The following PYCR2 variants were observed in gnomAD, a reference collection of about 807,000 sequenced individuals.
The protein encoded by PYCR2 is pyrroline-5-carboxylate reductase 2.
In PYCR2, 17 loss-of-function variants were observed where a neutral mutation model predicts 23.4. The observed-to-expected ratio is 0.73, with a 90% CI of 0.50 to 1.09. The LOEUF is 1.09. PYCR2 is among the 50% of genes least tolerant of loss of function. PYCR2 has a pLI of 0.00. For missense variants in PYCR2, 380 were observed against 423.5 expected (o/e 0.90, Z 0.90); for synonymous variants, 172 against 176.6 (o/e 0.97, Z 0.21).
At position 225,924,178 on chromosome 1, in the gene PYCR2, GGGAA is replaced by G; in HGVS notation, c.-72_-69del. 1 of 1,487,248 alleles carries G rather than the reference GGGAA, an allele frequency of 6.7e-7. No homozygotes were observed. The highest frequency in any genetic ancestry group is 1.2e-5 in the South Asian group (1 of 80,266). 92.1% of individuals were successfully genotyped at this position (1,487,248 alleles called of 1,614,324 possible). A position where few individuals can be genotyped will look rare whatever the true frequency, so the allele number is the denominator to read the frequency against. ...AGCGAGGGACCGGAAGTAACGCTAG[GGGAA>G]GGGCGGACAGCGCAGGGGCGAACGG... On this transcript the variant is annotated 5_prime_UTR_variant, in exon 1 of 7. Coordinates refer to ENST00000343818, the MANE Select transcript of PYCR2 (RefSeq NM_013328.4).
Position 225,921,242 on chromosome 1 carries a change from T to A in PYCR2, c.763A>T (p.Ile255Phe). 2 of 1,614,052 alleles carry A rather than the reference T, an allele frequency of 1.2e-6. No homozygotes were observed. The highest frequency in any genetic ancestry group is 2.2e-5 in the East Asian group (1 of 44,872). The change falls in exon 6 of 7, where the codon ATC (isoleucine) becomes TTC (phenylalanine). Residue 255 changes from isoleucine (I) to phenylalanine (F), a missense_variant. Transcript: ENST00000343818. This position sits in a 1 kb window ranked among gnomAD's most constrained non-coding sequence, Gnocchi z 4.2. ...LESGGFRSLL[I>F]NAVEASCIRT... is the part of the protein sequence containing the mutation. ...ATACAGGAGGCCTCAACTGCATTGA[T>A]GAGCAGAGAGCGGAAGCCCCCACTC...
In PYCR2 at chr1:225,921,937, C is replaced by A. The variant is rs932902330; in HGVS notation, c.461G>T (p.Ser154Ile). 4 of 1,614,096 alleles carry A rather than the reference C, an allele frequency of 2.5e-6. No homozygotes were observed. The highest frequency in any genetic ancestry group is 3.4e-6 in the Non-Finnish European group (4 of 1,180,036). Residue 154 changes from serine to isoleucine, a missense_variant, in exon 4 of 7, where the codon AGC becomes ATC. Physicochemically the swap from Ser to Ile is moderately radical, Grantham distance 142. Transcript: ENST00000343818. The surrounding 1 kb of genome is among the most constrained non-coding windows in gnomAD (Gnocchi z 4.2). Reference sequence around the variant, plus strand: ...CACCTCAGTGCAGAAGCCCACGCTGCTCATGAGCTGCTCCAGGAGCTGCCC... The same window carrying A: ...CACCTCAGTGCAGAAGCCCACGCTGATCATGAGCTGCTCCAGGAGCTGCCC... ...EDGQLLEQLM[S>I]SVGFCTEVEE...
In PYCR2 at chr1:225,920,387, G is replaced by A; in HGVS notation, c.*68C>T. 3 of 1,363,176 alleles carry A rather than the reference G, an allele frequency of 2.2e-6. No individual in the cohort carries two copies. Among genetic ancestry groups the A allele is most frequent in the Middle Eastern group, 2.7e-4 (1 of 3,668 alleles). The allele number at this position is 1,363,176 out of a possible 1,614,324, so 84.4% of individuals were successfully genotyped here. A position where few individuals can be genotyped will look rare whatever the true frequency, so the allele number is the denominator to read the frequency against. On this transcript the variant is annotated 3_prime_UTR_variant, in exon 7 of 7. Coordinates refer to ENST00000343818, the MANE Select transcript of PYCR2 (RefSeq NM_013328.4). ...GAGGGGCAATGGTGGGAGCGGGGCA[G>A]GGGGGTGGCAGGGGCGGCAGGGGCT... is the stretch of plus-strand genomic sequence containing the variant.
Position 225,921,391 on chromosome 1 carries a change from A to T in PYCR2, c.634-20T>A. 1 of 1,531,480 alleles carries T rather than the reference A, an allele frequency of 6.5e-7. No individual in the cohort carries two copies. The highest frequency in any genetic ancestry group is 9.0e-7 in the Non-Finnish European group (1 of 1,107,114). 94.9% of individuals were successfully genotyped at this position (1,531,480 alleles called of 1,614,324 possible). A position where few individuals can be genotyped will look rare whatever the true frequency, so the allele number is the denominator to read the frequency against. On this transcript the variant is annotated intron_variant, in intron 5 of 6. Transcript: ENST00000343818. This position sits in a 1 kb window ranked among gnomAD's most constrained non-coding sequence, Gnocchi z 4.2. ...AGCTCCCTATGGGGAAGGGCACATT[A>T]GGAGAAAGTTGCTGGTGTGCGTTGG... is the stretch of plus-strand genomic sequence containing the variant.
chr1:225,922,461 C>A, intron 2 of PYCR2, 78 bp from the exon 3 acceptor site: 1 of 1,484,880 alleles, frequency 6.7e-7, no homozygotes, highest in South Asian at 1.2e-5. Context: ...AGCTGAACCC[C>A]TGCCAAACCG....
chr1:225,922,296 GGAT>G lies in PYCR2; in HGVS notation c.223_225del (p.Ile75del), dbSNP rs1362642657. On this transcript the variant is annotated inframe_deletion, in exon 3 of 7. Coordinates refer to ENST00000343818, the MANE Select transcript of PYCR2 (RefSeq NM_013328.4). ...GCCCCAATCTCATCCAGGATGAAGGGGATGATATGTGGCTTCACAGCCAGAAAC... is the reference window on the plus strand; with the variant it reads ...GCCCCAATCTCATCCAGGATGAAGGGGATATGTGGCTTCACAGCCAGAAAC... 5.0e-6 allele frequency: 8 copies of G among 1,614,094 alleles called. No individual in the cohort carries two copies. The highest frequency in any genetic ancestry group is 1.3e-5 in the African/African-American group (1 of 74,934).
chr1:225,921,779 C>G lies in PYCR2; in HGVS notation c.540+79G>C. 1 of 1,593,396 alleles carries G rather than the reference C, an allele frequency of 6.3e-7. No individual in the cohort carries two copies. The highest frequency in any genetic ancestry group is 8.6e-7 in the Non-Finnish European group (1 of 1,165,398). On this transcript the variant is annotated intron_variant, in intron 4 of 6. Coordinates refer to ENST00000343818, the MANE Select transcript of PYCR2 (RefSeq NM_013328.4). This position sits in a 1 kb window ranked among gnomAD's most constrained non-coding sequence, Gnocchi z 4.2. ...AGCTGTGCCCAAGAGGTGGGCGCCA[C>G]CCCCAGTCCAAGCCTGCCTGCCAGC... is the stretch of plus-strand genomic sequence containing the variant.
At chr1:225,923,988 G>A in intron 1 of PYCR2, 56 bp downstream of exon 1, 5 of 1,524,730 alleles carry the variant, frequency 3.3e-6, no homozygotes, top group Non-Finnish European at 4.4e-6. Flanking sequence ...TGGGACGGAG[G>A]CCCCCTCGGG....
rs1364912691 is a variant in PYCR2, at chr1:225,921,230, C to T, written c.775G>A (p.Glu259Lys). The T allele has an allele frequency of 6.2e-7, 1 of 1,613,894 alleles. No individual in the cohort carries two copies. The highest frequency in any genetic ancestry group is 8.5e-7 in the Non-Finnish European group (1 of 1,179,890). The change falls in exon 6 of 7, where the codon GAG becomes AAG. Residue 259 changes from glutamate (E) to lysine (K), a missense_variant. Glu to Lys is a moderately conservative substitution (Grantham distance 56, BLOSUM62 1). Coordinates refer to ENST00000343818, the MANE Select transcript of PYCR2 (RefSeq NM_013328.4). The surrounding 1 kb of genome is among the most constrained non-coding windows in gnomAD (Gnocchi z 4.2). ...CACCGTGTTCGGATACAGGAGGCCT[C>T]AACTGCATTGATGAGCAGAGAGCGG... The part of the protein sequence containing the change: ...GFRSLLINAV[E>K]ASCIRTRELQ...
chr1:225,923,939 C>A, intron 1 of PYCR2, 105 bp downstream of exon 1: 1 of 1,486,228 alleles, frequency 6.7e-7, no homozygotes, highest in Non-Finnish European at 9.1e-7. Context: ...CTCATCTACC[C>A]CACCGGACGC....
At chr1:225,920,753 GCTTCCCAACTAGTA>G (rs755622787) in intron 6 of PYCR2, 133 bp from the exon 7 acceptor site, 105 of 985,658 alleles carry the variant, frequency 1.1e-4, no homozygotes, top group Admixed American at 1.7e-4. Context: ...CAAGACAAAC[GCTTCCCAACTAGTA>G]CTTCCCAACT....
chr1:225,920,753 G>A (rs531514290), intron 6 of PYCR2, 133 bp from the exon 7 acceptor site: 6 of 985,658 alleles, frequency 6.1e-6, no homozygotes, highest in African/African-American at 3.2e-5. Flanking sequence ...CAAGACAAAC[G>A]CTTCCCAACT....
chr1:225,923,287 A>T, intron 2 of PYCR2: 1 of 298,068 alleles, frequency 3.4e-6, no homozygotes, highest in Non-Finnish European at 5.2e-6. Context: ...AATTCCAGCT[A>T]CTCGGGAGGC....
At position 225,921,812 on chromosome 1, in the gene PYCR2, G is replaced by C; in HGVS notation, c.540+46C>G. On this transcript the variant is annotated intron_variant, in intron 4 of 6. Transcript: ENST00000343818. The surrounding 1 kb of genome is among the most constrained non-coding windows in gnomAD (Gnocchi z 4.2). Reference sequence around the variant, plus strand: ...CCAAGCCTGCCTGCCAGCCCATCTTGCTGCCTGGGTTCCTAGAAGGCTGAG... The same window carrying C: ...CCAAGCCTGCCTGCCAGCCCATCTTCCTGCCTGGGTTCCTAGAAGGCTGAG... The C allele has an allele frequency of 6.2e-7, 1 of 1,609,818 alleles. No homozygotes were observed. The highest frequency in any genetic ancestry group is 8.5e-7 in the Non-Finnish European group (1 of 1,177,656).
Position 225,921,730 on chromosome 1 carries a change from A to T in PYCR2, c.541-86T>A. 6.3e-7 allele frequency: 1 copy of T among 1,585,760 alleles called. No homozygotes were observed. The highest frequency in any genetic ancestry group is 8.7e-7 in the Non-Finnish European group (1 of 1,156,024). Reference sequence around the variant, plus strand: ...CTTTCTGATGACTAGAACTAGCTCCAAGGGTCAGCATCCTGTACCAGCCAG... The same window carrying T: ...CTTTCTGATGACTAGAACTAGCTCCTAGGGTCAGCATCCTGTACCAGCCAG... On this transcript the variant is annotated intron_variant, in intron 4 of 6. Transcript: ENST00000343818. This position sits in a 1 kb window ranked among gnomAD's most constrained non-coding sequence, Gnocchi z 4.2.
chr1:225,922,526 C>A, intron 2 of PYCR2, 143 bp from the exon 3 acceptor site: 1 of 777,806 alleles, frequency 1.3e-6, no homozygotes. Context: ...GGTTCTACCC[C>A]TACCCCAAAT....
rs758392533 is a variant in PYCR2, at chr1:225,920,582, G to A, written c.836C>T (p.Pro279Leu). 5 of 1,613,184 alleles carry A rather than the reference G, an allele frequency of 3.1e-6. No individual in the cohort carries two copies. The highest frequency in any genetic ancestry group is 2.2e-5 in the South Asian group (2 of 91,062). ...TAAGAGGGTCTTCTTAAGGGCAGCT[G>A]GGGAGATCTTTTCTTGGTCGGCCAT... is the stretch of plus-strand genomic sequence containing the variant. ...QSMADQEKIS[P>L]AALKKTLLDR... The change falls in exon 7 of 7, where the codon CCA (proline) becomes CTA (leucine). Residue 279 changes from proline to leucine, a missense_variant. Physicochemically the swap from Pro to Leu is moderately conservative, Grantham distance 98. Coordinates refer to ENST00000343818, the MANE Select transcript of PYCR2 (RefSeq NM_013328.4).
In PYCR2 at chr1:225,921,870, G is replaced by T; in HGVS notation, c.528C>A (p.Ser176Arg). 4 of 1,612,102 alleles carry T rather than the reference G, an allele frequency of 2.5e-6. No individual in the cohort carries two copies. Among genetic ancestry groups the T allele is most frequent in the Non-Finnish European group, 3.4e-6 (4 of 1,179,896 alleles). Residue 176 changes from serine to arginine, a missense_variant, in exon 4 of 7, where the codon AGC becomes AGA. By Grantham distance (110) the Ser-to-Arg change is moderately radical (BLOSUM62 -1). Coordinates refer to ENST00000343818, the MANE Select transcript of PYCR2 (RefSeq NM_013328.4). The surrounding 1 kb of genome is among the most constrained non-coding windows in gnomAD (Gnocchi z 4.2). ...LIDAVTGLSG[S>R]GPAYAFMALD... ...ATGAGGGCCTCACATAGGCAGGCCC[G>T]CTGCCACTGAGCCCCGTGACGGCAT...
Position 225,924,197 on chromosome 1 carries a change from G to A in PYCR2, c.-87C>T. ...CGCTAGGGGAAGGGCGGACAGCGCAGGGGCGAACGGGCGGCGTGCCGAGGA... is the reference window on the plus strand; with the variant it reads ...CGCTAGGGGAAGGGCGGACAGCGCAAGGGCGAACGGGCGGCGTGCCGAGGA... On this transcript the variant is annotated 5_prime_UTR_variant, in exon 1 of 7. Coordinates refer to ENST00000343818, the MANE Select transcript of PYCR2 (RefSeq NM_013328.4). 1 of 1,408,450 alleles carries A rather than the reference G, an allele frequency of 7.1e-7. No individual in the cohort carries two copies. The highest frequency in any genetic ancestry group is 9.4e-7 in the Non-Finnish European group (1 of 1,058,534). The allele number at this position is 1,408,450 out of a possible 1,614,324, so 87.2% of individuals were successfully genotyped here.
Sources: gnomAD v4.1 joint callset for allele counts on GRCh38, gnomAD v4.1.1 for gene constraint, Gnocchi (gnomAD v3.1) non-coding constraint, MANE v1.5 for transcripts, NCBI Gene and HGNC (gene_info 2026-07-23, HGNC 2026-07-21) for gene names.